The following JAZF1 variants were observed in gnomAD, a reference collection of about 807,000 sequenced individuals.
JAZF1 encodes the protein juxtaposed with another zinc finger protein 1.
Under a neutral mutation model 26.4 loss-of-function variants are expected in JAZF1, and 8 were observed. The observed-to-expected ratio is 0.30, with a 90% CI of 0.18 to 0.55. JAZF1 has a LOEUF of 0.55. JAZF1 is among the 20% of genes least tolerant of loss of function. The pLI is 0.94. For synonymous variants in JAZF1, 126 were observed against 122.3 expected, an observed-to-expected ratio of 1.03 and a Z score of -0.20; for missense variants, 199 against 322.0, an observed-to-expected ratio of 0.62 and a Z score of 2.92.
intron 2 of JAZF1, among the ~76,000 whole-genome samples, chr7:27,989,174 T>C (rs918310785): frequency 6.6e-6 from 1 of 152,032 alleles, no homozygotes; most frequent in Non-Finnish European, 1.5e-5. Context: ...ACCTGACAAA[T>C]ACAAGAAATG....
chr7:28,040,411 A>G (rs551973764), intron 1 of JAZF1, among the ~76,000 whole-genome samples: 1 of 152,356 alleles, frequency 6.6e-6, no homozygotes, highest in East Asian at 1.9e-4. Context: ...GATGAGTACT[A>G]TAAAGAAAAT....
chr7:27,957,176 C>T (rs1425674346), intron 2 of JAZF1, among the ~76,000 whole-genome samples: 2 of 152,176 alleles, frequency 1.3e-5, no homozygotes, highest in East Asian at 3.9e-4. Context: ...AAGCACTCCT[C>T]CTGTGACCTT....
intron 3 of JAZF1, among the ~76,000 whole-genome samples, chr7:27,851,916 C>T (rs1336995468): frequency 6.8e-6 from 1 of 148,092 alleles, no homozygotes; most frequent in African/African-American, 2.5e-5. Context: ...TGGACCCACA[C>T]TGATGCCTGG....
At chr7:28,013,926 T>C (rs760094091) in intron 1 of JAZF1, among the ~76,000 whole-genome samples, 4 of 152,102 alleles carry the variant, frequency 2.6e-5, no homozygotes, top group Non-Finnish European at 5.9e-5. Context: ...AATATCTAAA[T>C]AAAAATTACA....
chr7:28,118,761 TACACACACACAC>T (rs10612400), intron 1 of JAZF1, among the ~76,000 whole-genome samples: 7 of 148,792 alleles, frequency 4.7e-5, no homozygotes, highest in South Asian at 2.1e-4. Flanking sequence ...AAGAGAGTTT[TACACACACACAC>T]ACACACACAC....
intron 1 of JAZF1, among the ~76,000 whole-genome samples, chr7:28,170,220 CA>C (rs1166571320): frequency 1.3e-5 from 2 of 152,054 alleles, no homozygotes; most frequent in Non-Finnish European, 2.9e-5. Context: ...CCCAAAAGTT[CA>C]AGATCAGCCT....
At chr7:28,174,819 T>G (rs1006311961) in intron 1 of JAZF1, among the ~76,000 whole-genome samples, 1 of 90,750 alleles carries the variant, frequency 1.1e-5, no homozygotes. Flanking sequence ...ATGGGGTGTG[T>G]GGGTGTGTGT....
intron 1 of JAZF1, among the ~76,000 whole-genome samples, chr7:28,085,656 A>G (rs1344045590): frequency 6.6e-6 from 1 of 152,228 alleles, no homozygotes; most frequent in Non-Finnish European, 1.5e-5. Flanking sequence ...ATTGCTTTGC[A>G]AACTGAGCTC....
intron 1 of JAZF1, among the ~76,000 whole-genome samples, chr7:28,149,717 A>C (rs1334786469): frequency 6.6e-6 from 1 of 152,226 alleles, no homozygotes; most frequent in Non-Finnish European, 1.5e-5. Context: ...TTATCTTTAA[A>C]TGTGAGAGCT....
chr7:28,143,811 C>T (rs948937563), intron 1 of JAZF1, among the ~76,000 whole-genome samples: 4 of 152,232 alleles, frequency 2.6e-5, no homozygotes, highest in Non-Finnish European at 4.4e-5. Context: ...TTTCTCCTTA[C>T]ATATAAGCTC....
At chr7:28,109,817 T>C (rs1784611466) in intron 1 of JAZF1, among the ~76,000 whole-genome samples, 1 of 152,050 alleles carries the variant, frequency 6.6e-6, no homozygotes, top group African/African-American at 2.4e-5. Context: ...TTGCCTCATC[T>C]CCCGAAGGCC....
intron 1 of JAZF1, among the ~76,000 whole-genome samples, chr7:28,080,566 A>G (rs1001047003): frequency 6.6e-6 from 1 of 152,168 alleles, no homozygotes; most frequent in African/African-American, 2.4e-5. Flanking sequence ...AAAGTGAGAG[A>G]CGTGTTACTC....
chr7:27,926,342 T>C (rs146824397), intron 2 of JAZF1, among the ~76,000 whole-genome samples: 53 of 152,284 alleles, frequency 3.5e-4, no homozygotes, highest in African/African-American at 1.2e-3. Flanking sequence ...AGGACATACC[T>C]TCAACAGCAA....
intron 1 of JAZF1, among the ~76,000 whole-genome samples, chr7:27,995,690 T>C (rs1447750849): frequency 1.3e-5 from 2 of 152,194 alleles, no homozygotes; most frequent in Non-Finnish European, 2.9e-5. Flanking sequence ...TCTATCTTTA[T>C]TTCAGGGGAT....
rs1782788495 is a variant in JAZF1, at chr7:28,131,248, T to G, written c.115+49215A>C. Among the ~76,000 whole-genome samples, 9 of 152,272 alleles carry G rather than the reference T, an allele frequency of 5.9e-5. No individual in the cohort carries two copies. The South Asian group carries it at 1.9e-3, about 32-fold the overall frequency. On this transcript the variant is annotated intron_variant, in intron 1 of 4. Transcript: ENST00000283928. ...AACCCTCAATGCAATATGATTGAAT[T>G]GCATGTCAGTGATTTATATATTCAC...
chr7:28,180,608 G>C lies in JAZF1; in HGVS notation c.-31C>G, dbSNP rs745610238. On this transcript the variant is annotated 5_prime_UTR_variant, in exon 1 of 5. Transcript: ENST00000283928. Reference sequence around the variant, plus strand: ...TACATCGAGAGCCCCCCTGGTGTCGGCTCTGCGAGCGCCGGGCGGGCGAGG... The same window carrying C: ...TACATCGAGAGCCCCCCTGGTGTCGCCTCTGCGAGCGCCGGGCGGGCGAGG... The C allele has an allele frequency of 6.4e-7, 1 of 1,568,854 alleles. No individual in the cohort carries two copies. Among genetic ancestry groups the C allele is most frequent in the South Asian group, 1.1e-5 (1 of 88,872 alleles).
chr7:27,847,679 TTATTC>T (rs1282727802), intron 3 of JAZF1, among the ~76,000 whole-genome samples: 2 of 152,188 alleles, frequency 1.3e-5, no homozygotes, highest in Non-Finnish European at 2.9e-5. Flanking sequence ...TTTATAATTT[TTATTC>T]TGAGATGGAG....
intron 2 of JAZF1, among the ~76,000 whole-genome samples, chr7:27,983,621 G>C (rs915327934): frequency 6.6e-6 from 1 of 152,088 alleles, no homozygotes; most frequent in Non-Finnish European, 1.5e-5. Flanking sequence ...TACTCCTCGA[G>C]AAAAGCAACT....
chr7:27,993,661 C>T (rs931426327), intron 1 of JAZF1, among the ~76,000 whole-genome samples: 3 of 151,662 alleles, frequency 2.0e-5, no homozygotes, highest in Non-Finnish European at 4.4e-5. Context: ...AGGTGCTTAA[C>T]GAGGTAAGAA....
Sources: allele counts gnomAD v4.1 joint callset (sites outside exome capture counted in the v4.1 genomes callset), GRCh38; gene constraint gnomAD v4.1.1; transcripts MANE v1.5; gene names NCBI Gene and HGNC (gene_info 2026-07-23, HGNC 2026-07-21).